COL11A1: variants seen among roughly 807,000 people sequenced by gnomAD.
COL11A1 encodes collagen alpha-1(XI) chain.
COL11A1 carries 74 observed loss-of-function variants against 265.2 expected under a neutral mutation model. The ratio of observed to expected loss-of-function variants is 0.28; its 90% CI spans 0.23 to 0.34. COL11A1 has a LOEUF of 0.34. COL11A1 is among the 10% of genes least tolerant of loss of function. The pLI, the probability that COL11A1 is intolerant of heterozygous loss-of-function variation, is 1.00. For synonymous variants in COL11A1, 816 were observed against 727.6 expected (o/e 1.12, Z -1.96); for missense variants, 2,165 against 2,263.6 (o/e 0.96, Z 0.88).
At chr1:102,973,800 G>A (rs958515652) in intron 36 of COL11A1, among the ~76,000 whole-genome samples, 2 of 152,008 alleles carry the variant, frequency 1.3e-5, no homozygotes, top group Non-Finnish European at 2.9e-5. Flanking sequence ...ACTCTTCAGT[G>A]GTAAATAATA....
At chr1:102,907,462 G>C (rs1654122891) in intron 54 of COL11A1, among the ~76,000 whole-genome samples, 1 of 151,956 alleles carries the variant, frequency 6.6e-6, no homozygotes, top group African/African-American at 2.4e-5. Context: ...CATTAACTTA[G>C]AAGCTTCCTA....
At chr1:102,908,172 G>A (rs933274996) in intron 54 of COL11A1, among the ~76,000 whole-genome samples, 1 of 151,832 alleles carries the variant, frequency 6.6e-6, no homozygotes, top group Non-Finnish European at 1.5e-5. Context: ...ATTTTTTCTT[G>A]TTTCATGGGG....
chr1:102,885,841 T>C (rs965985308), intron 63 of COL11A1, among the ~76,000 whole-genome samples: 5 of 152,174 alleles, frequency 3.3e-5, no homozygotes, highest in African/African-American at 1.2e-4. Flanking sequence ...ATTATAAACA[T>C]GAAGATGTTA....
Position 102,924,216 on chromosome 1 carries a change from G to A in COL11A1, c.3601-827C>T, listed in dbSNP as rs553797053. 2.7e-4 allele frequency among the ~76,000 whole-genome samples: 41 copies of A among 152,202 alleles called. No homozygotes were observed. The East Asian group carries it at 6.8e-3, about 25-fold the overall frequency. On this transcript the variant is annotated intron_variant, in intron 46 of 66. Coordinates refer to ENST00000370096, the MANE Select transcript of COL11A1 (RefSeq NM_001854.4). Reference sequence around the variant, plus strand: ...AACCTGGGTGACAGAGCAAGACTCCGTCTCCAAAAGACAAAAAAATTCTTT... The same window carrying A: ...AACCTGGGTGACAGAGCAAGACTCCATCTCCAAAAGACAAAAAAATTCTTT...
At chr1:102,945,252 CTCT>C (rs1557855932) in intron 42 of COL11A1, among the ~76,000 whole-genome samples, 16 of 86,746 alleles carry the variant, frequency 1.8e-4, no homozygotes, top group Non-Finnish European at 3.2e-4. Context: ...TTTTTACTCT[CTCT>C]CTCTCTCTCT....
At chr1:102,905,117 G>A (rs550278900) in intron 54 of COL11A1, among the ~76,000 whole-genome samples, 157 of 149,680 alleles carry the variant, frequency 1.0e-3, no homozygotes, top group Non-Finnish European at 2.1e-3. Context: ...GCAAACTATC[G>A]CAAGGACAAA....
intron 4 of COL11A1, among the ~76,000 whole-genome samples, chr1:103,035,783 A>G (rs71664968): frequency 0.081 from 12,290 of 151,826 alleles, 555 homozygotes; most frequent in Middle Eastern, 0.15. Context: ...CATGTCATGA[A>G]ATAATATAAA....
chr1:103,060,650 GAATA>G, intron 4 of COL11A1, among the ~76,000 whole-genome samples: 1 of 152,052 alleles, frequency 6.6e-6, no homozygotes, highest in Admixed American at 6.6e-5. Flanking sequence ...AGTTGACTTG[GAATA>G]GGTGTAAGTT....
At chr1:102,897,573 G>A (rs1202351039) in intron 57 of COL11A1, among the ~76,000 whole-genome samples, 2 of 152,144 alleles carry the variant, frequency 1.3e-5, no homozygotes, top group Non-Finnish European at 2.9e-5. Context: ...CTCCACCTAT[G>A]AATAGTATCC....
At chr1:102,979,252 G>A in intron 32 of COL11A1, 130 bp downstream of exon 32, 1 of 1,200,348 alleles carries the variant, frequency 8.3e-7, no homozygotes, top group South Asian at 1.3e-5. Flanking sequence ...TGCCCAGGCT[G>A]GCCTGGAACT....
chr1:102,913,945 A>T (rs543766559), intron 52 of COL11A1, among the ~76,000 whole-genome samples: 8 of 152,334 alleles, frequency 5.3e-5, no homozygotes, highest in South Asian at 2.1e-4. Flanking sequence ...AAGAAAGAAG[A>T]TGTCATTAGT....
intron 51 of COL11A1, 125 bp downstream of exon 51, chr1:102,914,579 T>G (rs1328299751): frequency 1.0e-6 from 1 of 963,380 alleles, no homozygotes; most frequent in Non-Finnish European, 1.6e-6. Flanking sequence ...TACGAATATA[T>G]GAAATGATGA....
intron 46 of COL11A1, among the ~76,000 whole-genome samples, chr1:102,933,752 C>G (rs539203308): frequency 6.6e-6 from 1 of 152,240 alleles, no homozygotes; most frequent in Non-Finnish European, 1.5e-5. Flanking sequence ...ACTCCGTGGG[C>G]GTAGGACCCT....
chr1:103,092,693 T>C (rs928863356), intron 1 of COL11A1, among the ~76,000 whole-genome samples: 2 of 152,136 alleles, frequency 1.3e-5, no homozygotes, highest in Non-Finnish European at 2.9e-5. Context: ...TGGATCTCTC[T>C]AGTAAATTGC....
chr1:102,934,434 A>T lies in COL11A1; in HGVS notation c.3600+15T>A, dbSNP rs1657930844. ...GGTAGAAATGATGGAGTAAACAATGACAGGATCATCTTACCTGAAGACCTA... is the reference window on the plus strand; with the variant it reads ...GGTAGAAATGATGGAGTAAACAATGTCAGGATCATCTTACCTGAAGACCTA... On this transcript the variant is annotated intron_variant, in intron 46 of 66. Transcript: ENST00000370096. 1 of 1,548,178 alleles carries T rather than the reference A, an allele frequency of 6.5e-7. No individual in the cohort carries two copies. Among genetic ancestry groups the T allele is most frequent in the East Asian group, 2.2e-5 (1 of 44,566 alleles).
chr1:103,044,561 G>T (rs776478796), intron 4 of COL11A1, among the ~76,000 whole-genome samples: 54 of 152,070 alleles, frequency 3.6e-4, no homozygotes, highest in Non-Finnish European at 7.5e-4. Flanking sequence ...GTTAAACAAG[G>T]ATTCTTACTA....
chr1:103,026,773 G>A (rs1029375991), intron 5 of COL11A1, among the ~76,000 whole-genome samples: 5 of 152,024 alleles, frequency 3.3e-5, no homozygotes, highest in African/African-American at 7.2e-5. Context: ...AAAATGTAGA[G>A]AGTAGTCTTC....
chr1:102,978,970 T>C, intron 33 of COL11A1, 57 bp from the exon 34 acceptor site: 2 of 1,609,818 alleles, frequency 1.2e-6, no homozygotes, highest in East Asian at 4.5e-5. Flanking sequence ...CCAAAGACAC[T>C]AAATCAATTT....
At chr1:103,041,310 T>C (rs1668790390) in intron 4 of COL11A1, among the ~76,000 whole-genome samples, 1 of 151,952 alleles carries the variant, frequency 6.6e-6, no homozygotes, top group Admixed American at 6.6e-5. Flanking sequence ...ACTGACACGT[T>C]TATTCCTCCA....
Sources: allele counts gnomAD v4.1 joint callset (sites outside exome capture counted in the v4.1 genomes callset), GRCh38; gene constraint gnomAD v4.1.1; transcripts MANE v1.5; gene names NCBI Gene and HGNC (gene_info 2026-07-23, HGNC 2026-07-21).